Variants in DNAJC1 observed in about 807,000 individuals in gnomAD.
DNAJC1 encodes dnaJ homolog subfamily C member 1.
In DNAJC1, 58 loss-of-function variants were observed where a neutral mutation model predicts 76.6. The observed-to-expected ratio is 0.76, with a 90% confidence interval of 0.61 to 0.94. The LOEUF (loss-of-function observed/expected upper bound fraction) is 0.94, where lower values mean the gene tolerates loss of function less well. Ranked by LOEUF, DNAJC1 falls within the 40% of genes least tolerant of loss-of-function variation. The pLI is 0.00. For missense variants in DNAJC1, 689 were observed against 677.3 expected, an observed-to-expected ratio of 1.02 and a Z score of -0.19; for synonymous variants, 258 against 267.9, an observed-to-expected ratio of 0.96 and a Z score of 0.36.
In DNAJC1 at chr10:21,920,872, C is replaced by A. The variant is rs1249549549; in HGVS notation, c.463G>T (p.Ala155Ser). Residue 155 changes from alanine to serine, a missense_variant, in exon 4 of 12, where the codon GCA becomes TCA. Transcript: ENST00000376980. The stretch of plus-strand genomic sequence containing the variant: ...GTGAGAATAATGAACAAGAGTAATG[C>A]CAGCTCAGCATTGCTCATTTTTCTC... ...RVRKMSNAEL[A>S]LLLFIILTVG... is the part of the protein sequence containing the mutation. 6.2e-7 allele frequency: 1 copy of A among 1,612,858 alleles called. No individual in the cohort carries two copies. The highest frequency in any genetic ancestry group is 8.5e-7 in the Non-Finnish European group (1 of 1,179,288).
At chr10:21,831,789 CAA>C (rs141184526) in intron 8 of DNAJC1, among the ~76,000 whole-genome samples, 28 of 111,350 alleles carry the variant, frequency 2.5e-4, no homozygotes, top group African/African-American at 8.2e-4. Flanking sequence ...GACTCCATCT[CAA>C]AAAAAAAAAA....
chr10:21,965,417 A>G (rs1302702273), intron 1 of DNAJC1, among the ~76,000 whole-genome samples: 1 of 152,308 alleles, frequency 6.6e-6, no homozygotes, highest in African/African-American at 2.4e-5. Context: ...ACATTGATGC[A>G]ATACTACTGT....
At chr10:21,880,339 T>C (rs1362511753) in intron 8 of DNAJC1, among the ~76,000 whole-genome samples, 2 of 152,222 alleles carry the variant, frequency 1.3e-5, no homozygotes, top group Admixed American at 1.3e-4. Context: ...CAATCATGAA[T>C]GTTTGTAATG....
At chr10:21,875,691 C>T (rs551511781) in intron 8 of DNAJC1, among the ~76,000 whole-genome samples, 4 of 152,180 alleles carry the variant, frequency 2.6e-5, no homozygotes, top group Admixed American at 1.3e-4. Flanking sequence ...TTTGGGAGGC[C>T]GAGGCAGGCA....
intron 7 of DNAJC1, among the ~76,000 whole-genome samples, chr10:21,890,043 T>C (rs189858451): frequency 5.9e-5 from 9 of 152,098 alleles, no homozygotes; most frequent in Admixed American, 1.3e-4. Context: ...GTGGAGACTA[T>C]ATGGGTAGCC....
chr10:21,786,092 A>G (rs1834603036), intron 9 of DNAJC1, among the ~76,000 whole-genome samples: 1 of 152,042 alleles, frequency 6.6e-6, no homozygotes, highest in Admixed American at 6.5e-5. Flanking sequence ...ACACTAGGAT[A>G]CAGGCGCGTG....
In DNAJC1 at chr10:21,951,191, G is replaced by A. The variant is rs535958203; in HGVS notation, c.223-22050C>T. On this transcript the variant is annotated intron_variant, in intron 1 of 11. Coordinates refer to ENST00000376980, the MANE Select transcript of DNAJC1 (RefSeq NM_022365.4). ...AAAAATTAGCAGGGCGTTGTGGTAC[G>A]CACCTGTAATCCCAGCTACTAAGGA... 9.9e-5 allele frequency among the ~76,000 whole-genome samples: 15 copies of A among 152,168 alleles called. No homozygotes were observed. In the East Asian group the frequency reaches 1.5e-3, roughly 16 times the overall value.
chr10:21,781,666 A>T (rs1182653679), intron 9 of DNAJC1, among the ~76,000 whole-genome samples: 2 of 143,812 alleles, frequency 1.4e-5, no homozygotes, highest in East Asian at 4.3e-4. Flanking sequence ...GCTTGCAGTG[A>T]GCCGAGATCG....
At chr10:21,940,915 AAGAG>A (rs1837396023) in intron 1 of DNAJC1, among the ~76,000 whole-genome samples, 1 of 151,806 alleles carries the variant, frequency 6.6e-6, no homozygotes. Context: ...CAGGGGGAGA[AAGAG>A]AGAGAGGACA....
intron 6 of DNAJC1, among the ~76,000 whole-genome samples, chr10:21,916,329 A>G (rs2131763187): frequency 6.6e-6 from 1 of 152,234 alleles, no homozygotes; most frequent in South Asian, 2.1e-4. Flanking sequence ...CTCTACTAAA[A>G]ATACAAAAAA....
chr10:21,756,762 G>A lies in DNAJC1; in HGVS notation c.1597-7C>T, dbSNP rs1834180649. ...ACCTAGCGATACAGTCTTCCTGTAGGAAGAAAAAAAGAGAGGTGAGAACAG... is the reference window on the plus strand; with the variant it reads ...ACCTAGCGATACAGTCTTCCTGTAGAAAGAAAAAAAGAGAGGTGAGAACAG... On this transcript the variant is annotated splice_region_variant and splice_polypyrimidine_tract_variant and intron_variant, in intron 11 of 11. Transcript: ENST00000376980. 4 of 1,611,064 alleles carry A rather than the reference G, an allele frequency of 2.5e-6. No homozygotes were observed. In the African/African-American group the frequency reaches 5.3e-5, roughly 22 times the overall value.
At chr10:21,988,029 A>G (rs1838273683) in intron 1 of DNAJC1, among the ~76,000 whole-genome samples, 1 of 152,154 alleles carries the variant, frequency 6.6e-6, no homozygotes, top group African/African-American at 2.4e-5. Flanking sequence ...CTGATTTCAC[A>G]GCACACCAAG....
At chr10:21,826,949 CTGTTCT>C (rs1289453890) in intron 8 of DNAJC1, among the ~76,000 whole-genome samples, 2 of 150,600 alleles carry the variant, frequency 1.3e-5, no homozygotes, top group Non-Finnish European at 2.9e-5. Context: ...TTCTCCAACT[CTGTTCT>C]TGTTCAAGTT....
intron 1 of DNAJC1, among the ~76,000 whole-genome samples, chr10:21,932,293 T>C (rs899022961): frequency 9.2e-5 from 14 of 152,120 alleles, no homozygotes; most frequent in East Asian, 5.8e-4. Context: ...TGAGCCACGA[T>C]TGCACCACTA....
At chr10:21,794,282 A>G (rs1834726633) in intron 9 of DNAJC1, among the ~76,000 whole-genome samples, 1 of 151,606 alleles carries the variant, frequency 6.6e-6, no homozygotes, top group South Asian at 2.1e-4. Context: ...AAAAAAAAAA[A>G]AAAGAGAGAG....
At chr10:21,839,749 T>G (rs994561677) in intron 8 of DNAJC1, among the ~76,000 whole-genome samples, 4 of 152,146 alleles carry the variant, frequency 2.6e-5, no homozygotes, top group Non-Finnish European at 4.4e-5. Flanking sequence ...TAACTCATTT[T>G]ATGAGGCCAG....
Position 22,003,343 on chromosome 10 carries a change from A to AGCGGCGTCC in DNAJC1, c.83_91dup (p.Arg28_Pro30dup). 1.4e-6 allele frequency: 2 copies of AGCGGCGTCC among 1,448,896 alleles called. No individual in the cohort carries two copies. The highest frequency in any genetic ancestry group is 1.5e-5 in the African/African-American group (1 of 66,676). 89.8% of individuals were successfully genotyped at this position (1,448,896 alleles called of 1,614,324 possible). ...CAGCAGCAGCAGCAGCAGCCACAGCAGCGGCGTCCGCGGCGGCGGCGGCGG... is the reference window on the plus strand; with the variant it reads ...CAGCAGCAGCAGCAGCAGCCACAGCAGCGGCGTCCGCGGCGTCCGCGGCGGCGGCGGCGG... On this transcript the variant is annotated inframe_insertion, in exon 1 of 12. Coordinates refer to ENST00000376980, the MANE Select transcript of DNAJC1 (RefSeq NM_022365.4).
chr10:21,955,410 G>A (rs958146013), intron 1 of DNAJC1, among the ~76,000 whole-genome samples: 1 of 152,110 alleles, frequency 6.6e-6, no homozygotes, highest in Non-Finnish European at 1.5e-5. Context: ...AGTGTATACA[G>A]AAATTTCATC....
intron 8 of DNAJC1, among the ~76,000 whole-genome samples, chr10:21,851,414 G>C (rs1238566877): frequency 6.6e-6 from 1 of 152,282 alleles, no homozygotes; most frequent in Non-Finnish European, 1.5e-5. Context: ...AAACCAAAGT[G>C]AGATAGTGAG....
Sources: allele counts gnomAD v4.1 joint callset (sites outside exome capture counted in the v4.1 genomes callset), GRCh38; gene constraint gnomAD v4.1.1; transcripts MANE v1.5; gene names NCBI Gene and HGNC (gene_info 2026-07-23, HGNC 2026-07-21).